The following GPC3 variants were observed in gnomAD, a reference collection of about 807,000 sequenced individuals.
The protein encoded by GPC3 is glypican-3.
GPC3 carries 3 observed loss-of-function variants against 34.4 expected under a neutral mutation model. The observed-to-expected ratio is 0.09, with a 90% CI of 0.04 to 0.23. GPC3 has a LOEUF of 0.23. GPC3 is among the 10% of genes least tolerant of loss of function. GPC3 has a pLI of 1.00. For synonymous variants in GPC3, 177 were observed against 174.0 expected (o/e 1.02, Z -0.13); for missense variants, 351 against 445.6 (o/e 0.79, Z 1.91).
intron 5 of GPC3, among the ~76,000 whole-genome samples, chrX:133,682,680 T>C (rs1396257867): frequency 9.0e-6 from 1 of 111,642 alleles, no homozygotes; most frequent in Non-Finnish European, 1.9e-5. Flanking sequence ...AAAATATCCA[T>C]CTGGGGCCGG....
At chrX:133,636,282 T>C (rs932131682) in intron 6 of GPC3, among the ~76,000 whole-genome samples, 2 of 112,227 alleles carry the variant, frequency 1.8e-5, no homozygotes, top group African/African-American at 6.5e-5. Flanking sequence ...ATATTGTACA[T>C]AGCTGAAAGG....
chrX:133,909,210 T>G (rs920026939), intron 2 of GPC3, among the ~76,000 whole-genome samples: 5 of 112,515 alleles, frequency 4.4e-5, no homozygotes, highest in African/African-American at 1.6e-4. Flanking sequence ...TAAAAACATT[T>G]TCTTCCAGGT....
intron 2 of GPC3, among the ~76,000 whole-genome samples, chrX:133,927,781 T>G (rs2076282021): frequency 9.1e-6 from 1 of 109,631 alleles, no homozygotes. Context: ...CCTGGCTACT[T>G]TCACTTTTTA....
intron 6 of GPC3, among the ~76,000 whole-genome samples, chrX:133,610,931 A>G (rs2070103582): frequency 9.5e-6 from 1 of 105,565 alleles, no homozygotes. Context: ...CCTCCCCCCA[A>G]CCCCGACTTT....
chrX:133,888,111 C>T (rs1024655329), intron 2 of GPC3, among the ~76,000 whole-genome samples: 17 of 109,583 alleles, frequency 1.6e-4, no homozygotes, highest in Non-Finnish European at 2.8e-4. Context: ...GTGTGATGTT[C>T]CCCTCCCTGT....
intron 6 of GPC3, among the ~76,000 whole-genome samples, chrX:133,646,867 G>C (rs1376120981): frequency 8.9e-6 from 1 of 111,881 alleles, no homozygotes; most frequent in Non-Finnish European, 1.9e-5. Context: ...TGAACAGGAA[G>C]AGAGTTCATG....
chrX:133,653,214 A>C (rs970641876), intron 6 of GPC3, among the ~76,000 whole-genome samples: 3 of 112,129 alleles, frequency 2.7e-5, no homozygotes, highest in African/African-American at 3.2e-5. Flanking sequence ...CTTTAAGTGA[A>C]ATCTTACTTA....
At chrX:133,671,350 G>A in intron 5 of GPC3, 1 of 601,472 alleles carries the variant, frequency 1.7e-6, no homozygotes, top group South Asian at 2.3e-5. Context: ...GGACCGCAAA[G>A]GCCAATGTTG....
At chrX:133,910,471 C>T (rs1400492303) in intron 2 of GPC3, among the ~76,000 whole-genome samples, 1 of 111,304 alleles carries the variant, frequency 9.0e-6, no homozygotes, top group Non-Finnish European at 1.9e-5. Flanking sequence ...TCTTCCAGAC[C>T]CTGGGAAATT....
intron 2 of GPC3, among the ~76,000 whole-genome samples, chrX:133,873,063 T>C (rs759089483): frequency 1.8e-5 from 2 of 112,095 alleles, no homozygotes; most frequent in Admixed American, 9.5e-5. Flanking sequence ...CAGTGCCTAA[T>C]AAAAGGCCGA....
intron 4 of GPC3, among the ~76,000 whole-genome samples, chrX:133,696,259 C>T (rs1048240124): frequency 8.9e-6 from 1 of 112,087 alleles, no homozygotes; most frequent in African/African-American, 3.2e-5. Context: ...AAGAAGACTT[C>T]AGAAACTGTT....
chrX:133,823,157 A>C (rs1469999232), intron 2 of GPC3, among the ~76,000 whole-genome samples: 3 of 102,129 alleles, frequency 2.9e-5, no homozygotes, highest in Admixed American at 1.1e-4. Context: ...AAAAAAAAAA[A>C]AAAAAAAAAC....
intron 6 of GPC3, among the ~76,000 whole-genome samples, chrX:133,637,341 C>T (rs1045216136): frequency 1.8e-5 from 2 of 109,712 alleles, no homozygotes; most frequent in Non-Finnish European, 1.9e-5. Context: ...CGCTTGAACC[C>T]GGAAGGTGGA....
intron 1 of GPC3, among the ~76,000 whole-genome samples, chrX:133,964,904 G>A (rs2076456431): frequency 9.0e-6 from 1 of 110,671 alleles, no homozygotes; most frequent in African/African-American, 3.3e-5. Flanking sequence ...ATCCCCCTCA[G>A]GAAGCACACT....
intron 2 of GPC3, among the ~76,000 whole-genome samples, chrX:133,778,156 A>C (rs58453188): frequency 0.047 from 5,192 of 111,532 alleles, 338 homozygotes; most frequent in African/African-American, 0.16. Context: ...TTTCCCCCCC[A>C]AAAATTACAT....
intron 7 of GPC3, among the ~76,000 whole-genome samples, chrX:133,550,079 G>T (rs1230628844): frequency 9.4e-6 from 1 of 106,726 alleles, no homozygotes; most frequent in Admixed American, 1.0e-4. Flanking sequence ...GCAATGGTGT[G>T]ATCTCGGCTC....
chrX:133,604,929 GA>G (rs1171154935), intron 6 of GPC3, among the ~76,000 whole-genome samples: 2 of 111,874 alleles, frequency 1.8e-5, no homozygotes, highest in Non-Finnish European at 3.8e-5. Context: ...TAAGCTAATG[GA>G]AAACAAATGT....
chrX:133,562,734 C>T (rs1375634245), intron 7 of GPC3, among the ~76,000 whole-genome samples: 1 of 111,796 alleles, frequency 8.9e-6, no homozygotes, highest in Non-Finnish European at 1.9e-5. Flanking sequence ...TTGCTATGGG[C>T]AGGTCCATTC....
intron 2 of GPC3, among the ~76,000 whole-genome samples, chrX:133,940,243 G>T (rs1290093880): frequency 9.0e-6 from 1 of 111,275 alleles, no homozygotes; most frequent in East Asian, 2.8e-4. Flanking sequence ...GGGGTGTTTT[G>T]TTTATTTCTC....
Sources: allele counts gnomAD v4.1 joint callset (sites outside exome capture counted in the v4.1 genomes callset), GRCh38; gene constraint gnomAD v4.1.1; transcripts MANE v1.5; gene names NCBI Gene and HGNC (gene_info 2026-07-23, HGNC 2026-07-21).